Variants in ZNF536 observed in about 807,000 individuals in gnomAD.
The protein encoded by ZNF536 is zinc finger protein 536.
ZNF536 carries 13 observed loss-of-function variants against 84.5 expected under a neutral mutation model. That is an observed-to-expected ratio of 0.15 (90% CI 0.10 to 0.24). The LOEUF (loss-of-function observed/expected upper bound fraction) is 0.24, where lower values mean the gene tolerates loss of function less well. Ranked by LOEUF, ZNF536 falls within the 10% of genes least tolerant of loss-of-function variation. The pLI is 1.00. For synonymous variants in ZNF536, 811 were observed against 742.5 expected (o/e 1.09, Z -1.50); for missense variants, 1,536 against 1,747.5 (o/e 0.88, Z 2.16).
At chr19:30,417,148 ATTTTTTT>A (rs71173904) in intron 1 of ZNF536, among the ~76,000 whole-genome samples, 10 of 100,266 alleles carry the variant, frequency 1.0e-4, no homozygotes, top group Admixed American at 2.9e-4. Flanking sequence ...TAATTTTTGT[ATTTTTTT>A]TTTTTTTTTT....
intron 2 of ZNF536, among the ~76,000 whole-genome samples, chr19:30,301,277 A>G (rs988020851): frequency 2.0e-4 from 30 of 152,156 alleles, no homozygotes; most frequent in African/African-American, 7.0e-4. Context: ...TCTTCACATG[A>G]TAATTTTATG....
chr19:30,546,302 T>C (rs1480424591), intron 3 of ZNF536, among the ~76,000 whole-genome samples: 1 of 152,224 alleles, frequency 6.6e-6, no homozygotes, highest in East Asian at 1.9e-4. Context: ...TCCTCCTAGA[T>C]TCCTGTCATT....
At chr19:30,463,217 T>G (rs2053235971) in intron 2 of ZNF536, among the ~76,000 whole-genome samples, 1 of 152,140 alleles carries the variant, frequency 6.6e-6, no homozygotes, top group Non-Finnish European at 1.5e-5. Context: ...CCCCAAGGAC[T>G]ATGACCTTCA....
intron 1 of ZNF536, among the ~76,000 whole-genome samples, chr19:30,595,299 T>A (rs1456280650): frequency 6.6e-6 from 1 of 152,102 alleles, no homozygotes; most frequent in Non-Finnish European, 1.5e-5. Context: ...TTTTAATTAT[T>A]TTTTAAGAGA....
At chr19:30,586,825 T>C (rs747570652) in intron 1 of ZNF536, among the ~76,000 whole-genome samples, 6 of 152,182 alleles carry the variant, frequency 3.9e-5, no homozygotes, top group Non-Finnish European at 8.8e-5. Flanking sequence ...GATCAAAAAC[T>C]AAAACTTGTC....
At chr19:30,549,538 A>G (rs370539419) in intron 4 of ZNF536, 24 bp downstream of exon 4, 280 of 1,495,996 alleles carry the variant, frequency 1.9e-4, no homozygotes, top group Non-Finnish European at 2.4e-4. Flanking sequence ...TCCTCTTCCT[A>G]TAGTTCATTT....
intron 2 of ZNF536, among the ~76,000 whole-genome samples, chr19:30,466,584 A>AAGAGAGAGAG (rs372587955): frequency 0.012 from 1,703 of 144,442 alleles, 37 homozygotes; most frequent in African/African-American, 0.032. Context: ...GAAAGAAAGA[A>AAGAGAGAGAG]AGAGAGAGAG....
chr19:30,570,290 A>T (rs1435415137), intron 1 of ZNF536, among the ~76,000 whole-genome samples: 1 of 152,138 alleles, frequency 6.6e-6, no homozygotes, highest in East Asian at 1.9e-4. Context: ...GCGTTGATGA[A>T]AAACTTTGTA....
At chr19:30,659,253 G>T (rs1397298261) in intron 1 of ZNF536, among the ~76,000 whole-genome samples, 1 of 152,166 alleles carries the variant, frequency 6.6e-6, no homozygotes, top group Non-Finnish European at 1.5e-5. Context: ...ATGGTGGAAG[G>T]TGAAGGGGAA....
At chr19:30,492,103 G>A (rs528527255) in intron 2 of ZNF536, among the ~76,000 whole-genome samples, 16 of 151,818 alleles carry the variant, frequency 1.1e-4, no homozygotes, top group Admixed American at 4.6e-4. Context: ...TGAGGGTGGG[G>A]GTGGGCAGGT....
intron 1 of ZNF536, among the ~76,000 whole-genome samples, chr19:30,575,263 C>A (rs960896725): frequency 5.9e-5 from 9 of 152,238 alleles, no homozygotes; most frequent in African/African-American, 2.2e-4. Flanking sequence ...GAACCTGTTT[C>A]TCCTTTGCTA....
At chr19:30,633,974 A>G (rs553957643) in intron 1 of ZNF536, among the ~76,000 whole-genome samples, 11 of 152,010 alleles carry the variant, frequency 7.2e-5, no homozygotes, top group Admixed American at 3.3e-4. Context: ...ATGTGGTGCT[A>G]TTTCCCTCAT....
intron 2 of ZNF536, among the ~76,000 whole-genome samples, chr19:30,456,063 G>A (rs2052825982): frequency 6.6e-6 from 1 of 152,190 alleles, no homozygotes; most frequent in Non-Finnish European, 1.5e-5. Flanking sequence ...ATAAGAGTGT[G>A]ATGGTATTTC....
At chr19:30,251,557 C>CAT (rs1298645279) in intron 1 of ZNF536, among the ~76,000 whole-genome samples, 3 of 152,178 alleles carry the variant, frequency 2.0e-5, no homozygotes, top group African/African-American at 7.2e-5. Context: ...TTAAAAACAT[C>CAT]ATATAGTAAA....
intron 1 of ZNF536, among the ~76,000 whole-genome samples, chr19:30,426,661 G>A (rs2051227145): frequency 6.6e-6 from 1 of 152,184 alleles, no homozygotes; most frequent in South Asian, 2.1e-4. Context: ...GGTTGCAGGA[G>A]CCTGGGGAGG....
At chr19:30,448,022 C>A (rs1298473672) in intron 2 of ZNF536, among the ~76,000 whole-genome samples, 2 of 152,152 alleles carry the variant, frequency 1.3e-5, no homozygotes, top group Non-Finnish European at 2.9e-5. Flanking sequence ...GTTGAAAAAA[C>A]CCATTTTGCT....
intron 1 of ZNF536, among the ~76,000 whole-genome samples, chr19:30,406,860 TA>T (rs1274376191): frequency 3.9e-4 from 59 of 152,192 alleles, no homozygotes; most frequent in Non-Finnish European, 1.9e-4. Context: ...GATAACCTTT[TA>T]AAAGATGTTT....
At chr19:30,373,397 A>AC (rs1325657870) in intron 1 of ZNF536, among the ~76,000 whole-genome samples, 5 of 149,450 alleles carry the variant, frequency 3.3e-5, no homozygotes, top group African/African-American at 7.4e-5. Context: ...AGAAATTCAC[A>AC]CCCCCCACCC....
chr19:30,260,690 T>A (rs2025161130), intron 1 of ZNF536, among the ~76,000 whole-genome samples: 1 of 152,272 alleles, frequency 6.6e-6, no homozygotes, highest in Non-Finnish European at 1.5e-5. Flanking sequence ...GGCCTTCTGT[T>A]AAGAAGTTAT....
Sources: allele counts gnomAD v4.1 joint callset (sites outside exome capture counted in the v4.1 genomes callset), GRCh38; gene constraint gnomAD v4.1.1; transcripts MANE v1.5; gene names NCBI Gene and HGNC (gene_info 2026-07-23, HGNC 2026-07-21).